Variants in SPOCD1 observed in about 807,000 individuals in gnomAD.
SPOCD1 encodes SPOC domain-containing protein 1.
Under a neutral mutation model 92.2 loss-of-function variants are expected in SPOCD1, and 64 were observed. That is an observed-to-expected ratio of 0.69 (90% confidence interval 0.57 to 0.86). The LOEUF (loss-of-function observed/expected upper bound fraction) is 0.86. SPOCD1 is among the 40% of genes least tolerant of loss of function. SPOCD1 has a pLI of 0.00. For missense variants in SPOCD1, 1,360 were observed against 1,543.1 expected, an observed-to-expected ratio of 0.88 and a Z score of 1.99; for synonymous variants, 578 against 619.3, an observed-to-expected ratio of 0.93 and a Z score of 0.99.
At chr1:31,806,692 C>T (rs773564528) in intron 2 of SPOCD1, among the ~76,000 whole-genome samples, 4 of 151,880 alleles carry the variant, frequency 2.6e-5, no homozygotes, top group Non-Finnish European at 5.9e-5. Flanking sequence ...ATTACAGGTG[C>T]CCACCACCAC....
intron 14 of SPOCD1, 27 bp downstream of exon 14, chr1:31,792,651 A>G: frequency 6.5e-7 from 1 of 1,546,140 alleles, no homozygotes; most frequent in Non-Finnish European, 8.8e-7. Context: ...CTAGGAAAAG[A>G]GGGGGTGCCC....
Position 31,798,068 on chromosome 1 carries a change from G to C in SPOCD1, c.2145+139C>G, listed in dbSNP as rs1648149889. 1.5e-6 allele frequency: 1 copy of C among 686,184 alleles called. No individual in the cohort carries two copies. The highest frequency in any genetic ancestry group is 2.7e-5 in the East Asian group (1 of 37,458). 42.5% of individuals were successfully genotyped at this position (686,184 alleles called of 1,614,324 possible). A position where few individuals can be genotyped will look rare whatever the true frequency, so the allele number is the denominator to read the frequency against. Reference sequence around the variant, plus strand: ...GGAGGGTCTCTCTGACTCCCTATCTGCCTTCTCTGTTTCCTTGTTTCTGTC... The same window carrying C: ...GGAGGGTCTCTCTGACTCCCTATCTCCCTTCTCTGTTTCCTTGTTTCTGTC... On this transcript the variant is annotated intron_variant, in intron 9 of 15. Transcript: ENST00000360482. The surrounding 1 kb of genome is among the most constrained non-coding windows in gnomAD (Gnocchi z 4.1).
intron 2 of SPOCD1, among the ~76,000 whole-genome samples, chr1:31,807,803 T>C (rs1184152816): frequency 1.3e-5 from 2 of 152,156 alleles, no homozygotes; most frequent in African/African-American, 4.8e-5. Context: ...AAATTTGGAA[T>C]GTATAATTAC....
rs771159192 is a variant in SPOCD1, at chr1:31,791,068, G to T, written c.3186C>A (p.Thr1062=). ...DRRPNVPLKG[T]PPPGGAWQQS... is the part of the protein sequence containing the mutation. ...GCTGCCAGGCACCTCCTGGGGGAGG[G>T]GTGCCCTTCAGGGGCACATTCGGCC... is the stretch of plus-strand genomic sequence containing the variant. Residue 1062 remains threonine, a synonymous_variant, in exon 16 of 16, where the codon ACC becomes ACA. Coordinates refer to ENST00000360482, the MANE Select transcript of SPOCD1 (RefSeq NM_144569.7). 1 of 1,612,882 alleles carries T rather than the reference G, an allele frequency of 6.2e-7. No individual in the cohort carries two copies. The highest frequency in any genetic ancestry group is 1.3e-5 in the African/African-American group (1 of 74,940).
intron 2 of SPOCD1, among the ~76,000 whole-genome samples, chr1:31,803,588 A>T (rs1648603680): frequency 6.6e-6 from 1 of 151,858 alleles, no homozygotes; most frequent in Admixed American, 6.6e-5. Context: ...GAAAAAAAAA[A>T]AAAATAGCCA....
intron 14 of SPOCD1, 108 bp downstream of exon 14, chr1:31,792,570 C>T (rs763629275): frequency 3.4e-6 from 4 of 1,164,646 alleles, no homozygotes; most frequent in Admixed American, 2.4e-5. Context: ...TGCAGTCACT[C>T]TGGGAACTAG....
Position 31,790,854 on chromosome 1 carries a change from C to T in SPOCD1, c.3400G>A (p.Gly1134Ser), listed in dbSNP as rs750796558. Residue 1134 changes from glycine to serine, a missense_variant, in exon 16 of 16, where the codon GGC becomes AGC. Around this residue, in one of 3 missense-constraint regions of SPOCD1, gnomAD observed 614 missense variants for 757.8 expected, o/e 0.81. Coordinates refer to ENST00000360482, the MANE Select transcript of SPOCD1 (RefSeq NM_144569.7). ...YSVAPAGHGF[G>S]RGQHFHRDSC... Reference sequence around the variant, plus strand: ...TCCCTGTGGAAGTGCTGGCCACGGCCAAAGCCATGACCAGCTGGTGCTACT... The same window carrying T: ...TCCCTGTGGAAGTGCTGGCCACGGCTAAAGCCATGACCAGCTGGTGCTACT... 6.4e-7 allele frequency: 1 copy of T among 1,555,462 alleles called. No individual in the cohort carries two copies. Among genetic ancestry groups the T allele is most frequent in the Non-Finnish European group, 8.7e-7 (1 of 1,150,772 alleles).
At chr1:31,796,319 G>T in intron 10 of SPOCD1, 2 of 531,588 alleles carry the variant, frequency 3.8e-6, no homozygotes, top group Non-Finnish European at 6.8e-6. Context: ...TGACTATGAT[G>T]ATGGGACTTA....
chr1:31,800,183 G>C (rs1381156851), intron 4 of SPOCD1, 42 bp from the exon 5 acceptor site: 3 of 1,544,760 alleles, frequency 1.9e-6, no homozygotes, highest in Non-Finnish European at 1.7e-6. Context: ...GGAAATGGAG[G>C]CCAGGGACTG....
In SPOCD1 at chr1:31,792,752, T is replaced by A; in HGVS notation, c.2701A>T (p.Ile901Phe). The change falls in exon 14 of 16, where the codon ATC (isoleucine) becomes TTC (phenylalanine). Residue 901 changes from isoleucine to phenylalanine, a missense_variant. Physicochemically the swap from Ile to Phe is conservative, Grantham distance 21. Transcript: ENST00000360482. ...GAGGGGATGCAGCCTGCCGAGCGGATCACGGTGGGCAGAGCCTAGGGGCAG... is the reference window on the plus strand; with the variant it reads ...GAGGGGATGCAGCCTGCCGAGCGGAACACGGTGGGCAGAGCCTAGGGGCAG... Reference protein sequence around the residue: ...CRLVQALPTVIRSAGCIPSNI... With the variant: ...CRLVQALPTVFRSAGCIPSNI... 1 of 1,605,768 alleles carries A rather than the reference T, an allele frequency of 6.2e-7. No individual in the cohort carries two copies. Among genetic ancestry groups the A allele is most frequent in the Admixed American group, 1.7e-5 (1 of 59,002 alleles).
chr1:31,799,922 G>A (rs546699879), intron 5 of SPOCD1, 59 bp from the exon 6 acceptor site: 20 of 1,613,582 alleles, frequency 1.2e-5, no homozygotes, highest in African/African-American at 2.7e-5. Flanking sequence ...CCAGCCCAGG[G>A]GACACTGCTT....
intron 10 of SPOCD1, chr1:31,795,482 T>C (rs904265904): frequency 3.9e-5 from 6 of 152,194 alleles, no homozygotes; most frequent in African/African-American, 9.7e-5. Context: ...ACAGTAAAGA[T>C]AGCTATCATG....
intron 10 of SPOCD1, 140 bp from the exon 11 acceptor site, chr1:31,794,375 TAA>T (rs1647847622): frequency 4.0e-6 from 2 of 503,030 alleles, no homozygotes; most frequent in Non-Finnish European, 7.0e-6. Flanking sequence ...TGTGAACTCA[TAA>T]AGAAAATTTG....
chr1:31,791,287 A>G lies in SPOCD1; in HGVS notation c.2967T>C (p.Leu989=), dbSNP rs571725503. 8.5e-6 allele frequency: 13 copies of G among 1,523,080 alleles called. No homozygotes were observed. The highest frequency in any genetic ancestry group is 7.8e-5 in the South Asian group (6 of 76,516). 94.3% of individuals were successfully genotyped at this position (1,523,080 alleles called of 1,614,324 possible). A position where few individuals can be genotyped will look rare whatever the true frequency, so the allele number is the denominator to read the frequency against. The change falls in exon 16 of 16, where the codon CTT becomes CTC. Residue 989 remains leucine, a synonymous_variant. Transcript: ENST00000360482. The part of the protein sequence containing the change: ...TRLRPLGGPG[L]WALPVSPLLS... ...GGAGAGGGGAGACAGGAAGAGCCCA[A>G]AGGCCTGCGGGGAAGAACTGTGTTC...
rs149588239 is a variant in SPOCD1 at position 31,815,322 on chromosome 1, C to A, written c.12G>T (p.Ala4=). 179 of 1,546,532 alleles carry A rather than the reference C, an allele frequency of 1.2e-4. 2 individuals are homozygous for A. The East Asian group carries it at 3.6e-3, about 32-fold the overall frequency. Residue 4 remains alanine (A), a synonymous_variant, in exon 2 of 16, where the codon GCG becomes GCT. Coordinates refer to ENST00000360482, the MANE Select transcript of SPOCD1 (RefSeq NM_144569.7). The part of the protein sequence containing the change: MSQ[A]GDVEGPSTGD... ...CTGTGCTGGGGCCTTCTACGTCCCC[C>A]GCCTGGGACATGTCTGTCCACCTAC...
chr1:31,800,203 C>G, intron 4 of SPOCD1, 62 bp from the exon 5 acceptor site: 2 of 1,526,254 alleles, frequency 1.3e-6, no homozygotes, highest in South Asian at 2.5e-5. Context: ...GTTCCCTCCC[C>G]AGATGTACTG....
intron 2 of SPOCD1, 126 bp from the exon 3 acceptor site, chr1:31,801,831 A>G (rs1648487788): frequency 1.2e-6 from 1 of 822,832 alleles, no homozygotes; most frequent in Non-Finnish European, 2.1e-6. Context: ...AGTTGTACTT[A>G]CAGCAAAAAG....
intron 2 of SPOCD1, among the ~76,000 whole-genome samples, chr1:31,812,628 TC>T (rs375730376): frequency 1.1e-4 from 16 of 152,346 alleles, no homozygotes; most frequent in African/African-American, 3.8e-4. Context: ...GCCTCAGTGT[TC>T]AGATCAGTGA....
At chr1:31,801,447 T>C (rs1200466135) in intron 3 of SPOCD1, among the ~76,000 whole-genome samples, 8 of 152,178 alleles carry the variant, frequency 5.3e-5, no homozygotes. Flanking sequence ...AAACTAATCC[T>C]TGAATGAATG....
Sources: allele counts gnomAD v4.1 joint callset (sites outside exome capture counted in the v4.1 genomes callset), GRCh38; gene constraint gnomAD v4.1.1; regional missense constraint gnomAD v4.1.1; non-coding constraint Gnocchi (gnomAD v3.1); transcripts MANE v1.5; gene names NCBI Gene and HGNC (gene_info 2026-07-23, HGNC 2026-07-21).